PI4K2B: variants seen among roughly 807,000 people sequenced by gnomAD.
PI4K2B encodes phosphatidylinositol 4-kinase type 2 beta, also known as phosphatidylinositol 4-kinase type 2-beta.
In PI4K2B, 46 loss-of-function variants were observed where a neutral mutation model predicts 56.6. The ratio of observed to expected loss-of-function variants is 0.81; its 90% CI spans 0.64 to 1.04. The LOEUF is 1.04. Among genes scored for constraint, PI4K2B ranks in the 50% least tolerant of loss-of-function variants. The probability of loss-of-function intolerance (pLI) is 0.00; values close to 1 mark genes in which losing one functional copy is unlikely to be tolerated. For missense variants in PI4K2B, 556 were observed against 607.7 expected (o/e 0.91, Z 0.89); for synonymous variants, 211 against 223.8 (o/e 0.94, Z 0.51).
At chr4:25,276,559 C>A in intron 9 of PI4K2B, 1 of 673,532 alleles carries the variant, frequency 1.5e-6, no homozygotes, top group Non-Finnish European at 1.8e-6. Flanking sequence ...GTATCCCTAG[C>A]ACTTACAGCA....
At position 25,256,653 on chromosome 4, in the gene PI4K2B, T is replaced by C. The variant is rs944298469; in HGVS notation, c.735T>C (p.His245=). 1.2e-6 allele frequency: 2 copies of C among 1,613,928 alleles called. No individual in the cohort carries two copies. Among genetic ancestry groups the C allele is most frequent in the Non-Finnish European group, 8.5e-7 (1 of 1,179,904 alleles). ...EKVPKVGRKF[H]RIGLPPKIGS... ...TGCCAAAAGTGGGTAGAAAGTTTCA[T>C]AGGATAGGACTCCCTCCTAAGGTAA... Residue 245 remains histidine (H), a synonymous_variant, in exon 4 of 10, where the codon CAT becomes CAC. Coordinates refer to ENST00000264864, the MANE Select transcript of PI4K2B (RefSeq NM_018323.4).
chr4:25,242,252 A>G (rs889401035), intron 1 of PI4K2B, among the ~76,000 whole-genome samples: 37 of 152,196 alleles, frequency 2.4e-4, no homozygotes, highest in Non-Finnish European at 3.7e-4. Context: ...GAGGCTTCCA[A>G]ACTGGCAGCC....
Position 25,268,593 on chromosome 4 carries a change from T to C in PI4K2B, c.1212+17T>C. 1 of 1,507,836 alleles carries C rather than the reference T, an allele frequency of 6.6e-7. No homozygotes were observed. Among genetic ancestry groups the C allele is most frequent in the Non-Finnish European group, 9.0e-7 (1 of 1,110,682 alleles). 93.4% of individuals were successfully genotyped at this position (1,507,836 alleles called of 1,614,324 possible). A position where few individuals can be genotyped will look rare whatever the true frequency, so the allele number is the denominator to read the frequency against. On this transcript the variant is annotated intron_variant, in intron 8 of 9. Coordinates refer to ENST00000264864, the MANE Select transcript of PI4K2B (RefSeq NM_018323.4). ...CTTTTTAAGGTAAGTTAATGCTTAG[T>C]TTGATTATTGCAGAAAATGAAATCT...
intron 9 of PI4K2B, among the ~76,000 whole-genome samples, chr4:25,270,694 T>C (rs1716856035): frequency 6.6e-6 from 1 of 152,212 alleles, no homozygotes; most frequent in African/African-American, 2.4e-5. Flanking sequence ...TTAAGTCTGC[T>C]GATGTGGATC....
At position 25,237,957 on chromosome 4, in the gene PI4K2B, G is replaced by T. The variant is rs575369115; in HGVS notation, c.268+3526G>T. Among the ~76,000 whole-genome samples the T allele has an allele frequency of 2.0e-5, 3 of 152,320 alleles. No individual in the cohort carries two copies. The East Asian group carries it at 5.8e-4, about 29-fold the overall frequency. On this transcript the variant is annotated intron_variant, in intron 1 of 9. Coordinates refer to ENST00000264864, the MANE Select transcript of PI4K2B (RefSeq NM_018323.4). Reference sequence around the variant, plus strand: ...AGGTCCCAGTTAATACAAATCAGGAGCGCTTAGCTCCTGTTAGAGAGCCTA... The same window carrying T: ...AGGTCCCAGTTAATACAAATCAGGATCGCTTAGCTCCTGTTAGAGAGCCTA...
intron 1 of PI4K2B, among the ~76,000 whole-genome samples, chr4:25,248,332 G>A (rs1715885027): frequency 6.6e-6 from 1 of 152,196 alleles, no homozygotes; most frequent in Admixed American, 6.5e-5. Context: ...TGCTTATTAT[G>A]TTCCAGGAAC....
chr4:25,268,636 C>T, intron 8 of PI4K2B, 60 bp downstream of exon 8: 1 of 1,154,650 alleles, frequency 8.7e-7, no homozygotes, highest in Non-Finnish European at 1.2e-6. Flanking sequence ...GAAGAGACTG[C>T]TTAATAGAGC....
At chr4:25,268,133 T>C (rs1336441419) in intron 7 of PI4K2B, among the ~76,000 whole-genome samples, 2 of 152,206 alleles carry the variant, frequency 1.3e-5, no homozygotes, top group Non-Finnish European at 1.5e-5. Context: ...GTACAAAGTA[T>C]AGGTATTCAT....
At chr4:25,268,306 G>T (rs1056884634) in intron 7 of PI4K2B, 137 bp from the exon 8 acceptor site, 23 of 645,114 alleles carry the variant, frequency 3.6e-5, no homozygotes, top group Middle Eastern at 3.9e-4. Context: ...ATTGCAGTGG[G>T]TAGTTGTACT....
chr4:25,262,349 A>G (rs1417524662), intron 6 of PI4K2B, among the ~76,000 whole-genome samples: 1 of 152,106 alleles, frequency 6.6e-6, no homozygotes, highest in Non-Finnish European at 1.5e-5. Context: ...TCAAAAAAAT[A>G]AAAAAATTAA....
Position 25,268,443 on chromosome 4 carries a change from A to T in PI4K2B, c.1079A>T (p.Tyr360Phe). ...PFKHPDEWRA[Y>F]PFHWAWLPQA... is the part of the protein sequence containing the mutation. ...TTAGGAGAATGCTTTTTTCTATTAGATCCATTTCACTGGGCTTGGCTTCCT... is the reference window on the plus strand; with the variant it reads ...TTAGGAGAATGCTTTTTTCTATTAGTTCCATTTCACTGGGCTTGGCTTCCT... The change falls in exon 8 of 10, where the codon TAT (tyrosine) becomes TTT (phenylalanine). Residue 360 changes from tyrosine to phenylalanine, a missense_variant and splice_region_variant. Transcript: ENST00000264864. The T allele has an allele frequency of 6.2e-7, 1 of 1,601,702 alleles. No individual in the cohort carries two copies. Among genetic ancestry groups the T allele is most frequent in the South Asian group, 1.1e-5 (1 of 88,232 alleles).
intron 1 of PI4K2B, among the ~76,000 whole-genome samples, chr4:25,245,810 TGGCGATA>T (rs1715743042): frequency 1.3e-5 from 2 of 152,044 alleles, no homozygotes; most frequent in African/African-American, 4.8e-5. Context: ...TCTCACCACT[TGGCGATA>T]GGCGATAGTC....
intron 2 of PI4K2B, among the ~76,000 whole-genome samples, chr4:25,252,757 TG>T (rs564469416): frequency 3.9e-4 from 60 of 152,196 alleles, no homozygotes; most frequent in Non-Finnish European, 7.4e-4. Flanking sequence ...GGACCATAGT[TG>T]CGTGCCACCA....
At chr4:25,243,787 C>T (rs1715642790) in intron 1 of PI4K2B, among the ~76,000 whole-genome samples, 1 of 152,144 alleles carries the variant, frequency 6.6e-6, no homozygotes. Flanking sequence ...AATTCATGGG[C>T]TTTTTTCTAA....
intron 1 of PI4K2B, among the ~76,000 whole-genome samples, chr4:25,241,153 T>C (rs923345138): frequency 6.6e-6 from 1 of 152,264 alleles, no homozygotes; most frequent in African/African-American, 2.4e-5. Flanking sequence ...CATTGCAGCA[T>C]GGGCATGTAG....
chr4:25,236,018 A>G (rs1715246653), intron 1 of PI4K2B, among the ~76,000 whole-genome samples: 1 of 149,698 alleles, frequency 6.7e-6, no homozygotes, highest in South Asian at 2.1e-4. Context: ...CAACAACAAA[A>G]ATTCAAAGTG....
chr4:25,234,562 G>T lies in PI4K2B; in HGVS notation c.268+131G>T, dbSNP rs952332926. 4 of 624,460 alleles carry T rather than the reference G, an allele frequency of 6.4e-6. 1 individual carries two copies. Among genetic ancestry groups the T allele is most frequent in the Non-Finnish European group, 9.2e-6 (4 of 436,080 alleles). The allele number at this position is 624,460 out of a possible 1,614,324, so 38.7% of individuals were successfully genotyped here. ...CCCCGCTCGCTGGGCAGCAGCTCCCGAGCTCGGACCGGCGCCAGCCGCAGC... is the reference window on the plus strand; with the variant it reads ...CCCCGCTCGCTGGGCAGCAGCTCCCTAGCTCGGACCGGCGCCAGCCGCAGC... On this transcript the variant is annotated intron_variant, in intron 1 of 9. Transcript: ENST00000264864.
At chr4:25,261,673 G>A (rs935129705) in intron 6 of PI4K2B, among the ~76,000 whole-genome samples, 28 of 152,232 alleles carry the variant, frequency 1.8e-4, no homozygotes, top group South Asian at 4.1e-4. Context: ...ATACAATAGC[G>A]TGGATGAAAC....
intron 9 of PI4K2B, among the ~76,000 whole-genome samples, chr4:25,271,027 T>G (rs186979962): frequency 1.7e-3 from 259 of 152,296 alleles, no homozygotes; most frequent in Non-Finnish European, 2.8e-3. Flanking sequence ...AAAACCAAGC[T>G]TCTGCTGTCA....
Sources: allele counts gnomAD v4.1 joint callset (sites outside exome capture counted in the v4.1 genomes callset), GRCh38; gene constraint gnomAD v4.1.1; transcripts MANE v1.5; gene names NCBI Gene and HGNC (gene_info 2026-07-23, HGNC 2026-07-21).